Variants in GPC5 observed in about 807,000 individuals in gnomAD.
GPC5 encodes glypican 5.
In GPC5, 47 loss-of-function variants were observed where a neutral mutation model predicts 53.9. The ratio of observed to expected loss-of-function variants is 0.87; its 90% confidence interval spans 0.69 to 1.11. The LOEUF (loss-of-function observed/expected upper bound fraction) is 1.11. Ranked by LOEUF, GPC5 falls within the 50% of genes most tolerant of loss-of-function variation. GPC5 has a pLI of 0.00. For missense variants in GPC5, 748 were observed against 713.1 expected (o/e 1.05, Z -0.56); for synonymous variants, 286 against 263.3 (o/e 1.09, Z -0.84).
At chr13:92,031,077 C>G (rs1190298451) in intron 6 of GPC5, among the ~76,000 whole-genome samples, 1 of 152,074 alleles carries the variant, frequency 6.6e-6, no homozygotes, top group Non-Finnish European at 1.5e-5. Flanking sequence ...ATTCTTTTCT[C>G]TTGGCTTCTA....
chr13:91,888,449 T>A (rs953298736), intron 5 of GPC5, among the ~76,000 whole-genome samples: 1 of 152,204 alleles, frequency 6.6e-6, no homozygotes, highest in African/African-American at 2.4e-5. Flanking sequence ...AGGAATTGCC[T>A]GAGGCCTTTT....
chr13:91,696,480 A>T (rs1311438174), intron 3 of GPC5, among the ~76,000 whole-genome samples: 1 of 152,180 alleles, frequency 6.6e-6, no homozygotes, highest in African/African-American at 2.4e-5. Flanking sequence ...ATTCAAAGTG[A>T]TTTATAAGCT....
chr13:92,671,450 T>A (rs1247133886), intron 7 of GPC5, among the ~76,000 whole-genome samples: 1 of 152,234 alleles, frequency 6.6e-6, no homozygotes, highest in Admixed American at 6.5e-5. Flanking sequence ...TTAATCATTC[T>A]ATTTTTCTAG....
At chr13:92,254,987 A>C (rs552202424) in intron 7 of GPC5, among the ~76,000 whole-genome samples, 5 of 152,296 alleles carry the variant, frequency 3.3e-5, no homozygotes, top group African/African-American at 1.2e-4. Context: ...CCAAAATAAT[A>C]ATACAACAGT....
At chr13:92,291,665 G>T (rs1216767780) in intron 7 of GPC5, among the ~76,000 whole-genome samples, 1 of 152,146 alleles carries the variant, frequency 6.6e-6, no homozygotes, top group Admixed American at 6.5e-5. Context: ...CTTCCACAAT[G>T]TCGAAGCTTT....
intron 7 of GPC5, among the ~76,000 whole-genome samples, chr13:92,865,584 A>G (rs1034580373): frequency 6.6e-6 from 1 of 152,118 alleles, no homozygotes; most frequent in Non-Finnish European, 1.5e-5. Flanking sequence ...ACCATTGCGC[A>G]GCATGGTAAC....
chr13:91,694,020 A>T (rs1207101064), intron 3 of GPC5, 139 bp downstream of exon 3: 1 of 720,602 alleles, frequency 1.4e-6, no homozygotes, highest in African/African-American at 1.8e-5. Flanking sequence ...TTATGATAAA[A>T]TTTTGATTGG....
chr13:92,479,376 G>A lies in GPC5; in HGVS notation c.1561+334387G>A, dbSNP rs185674430. Among the ~76,000 whole-genome samples the A allele has an allele frequency of 2.6e-5, 4 of 152,300 alleles. No homozygotes were observed. The East Asian group carries it at 7.7e-4, about 29-fold the overall frequency. On this transcript the variant is annotated intron_variant, in intron 7 of 7. Transcript: ENST00000377067. ...AAGCGATAAACTTCACTAAACACTT[G>A]TAGGACATTTTGGACAAGAACAGAA...
At chr13:92,720,675 A>G (rs1888484116) in intron 7 of GPC5, among the ~76,000 whole-genome samples, 1 of 152,140 alleles carries the variant, frequency 6.6e-6, no homozygotes. Context: ...TTTTCTTATA[A>G]AGATTTACTT....
chr13:91,531,152 C>A (rs1269470135), intron 2 of GPC5, among the ~76,000 whole-genome samples: 3 of 152,114 alleles, frequency 2.0e-5, no homozygotes, highest in African/African-American at 4.8e-5. Flanking sequence ...TTCACAATAC[C>A]TTTGAGTAAT....
chr13:91,958,800 A>G (rs1164918770), intron 6 of GPC5, among the ~76,000 whole-genome samples: 2 of 152,132 alleles, frequency 1.3e-5, no homozygotes, highest in Non-Finnish European at 2.9e-5. Flanking sequence ...GAAGAAATTA[A>G]GGAGGAAATA....
At chr13:91,671,358 A>G (rs534135033) in intron 2 of GPC5, among the ~76,000 whole-genome samples, 2 of 152,300 alleles carry the variant, frequency 1.3e-5, no homozygotes, top group South Asian at 4.1e-4. Context: ...GAGTTCATTC[A>G]TGATTTGGCT....
intron 7 of GPC5, among the ~76,000 whole-genome samples, chr13:92,432,071 G>C (rs976124821): frequency 1.3e-5 from 2 of 152,136 alleles, no homozygotes; most frequent in Non-Finnish European, 2.9e-5. Flanking sequence ...GTTCAGATAA[G>C]GTTATGAGGC....
intron 2 of GPC5, among the ~76,000 whole-genome samples, chr13:91,555,407 A>G (rs956273130): frequency 6.6e-6 from 1 of 152,046 alleles, no homozygotes; most frequent in East Asian, 1.9e-4. Context: ...CATCTGGTAC[A>G]TGACTAACTG....
intron 2 of GPC5, among the ~76,000 whole-genome samples, chr13:91,540,628 A>G (rs1009808883): frequency 1.3e-5 from 2 of 152,238 alleles, no homozygotes; most frequent in African/African-American, 2.4e-5. Flanking sequence ...TTATACTTCA[A>G]TAAAGCAGTT....
At chr13:92,160,848 A>C (rs2041982490) in intron 7 of GPC5, among the ~76,000 whole-genome samples, 1 of 152,140 alleles carries the variant, frequency 6.6e-6, no homozygotes, top group Admixed American at 6.5e-5. Context: ...CACAAATTCC[A>C]AGTCTCTCTC....
chr13:92,300,021 T>C (rs1270084004), intron 7 of GPC5, among the ~76,000 whole-genome samples: 1 of 152,202 alleles, frequency 6.6e-6, no homozygotes, highest in Non-Finnish European at 1.5e-5. Context: ...TCAAACTCTT[T>C]CTGAAAATAA....
chr13:91,798,580 C>T (rs1030468067), intron 5 of GPC5, among the ~76,000 whole-genome samples: 3 of 152,160 alleles, frequency 2.0e-5, no homozygotes, highest in African/African-American at 7.2e-5. Flanking sequence ...TTGTCTTTAT[C>T]CAGTCTATCA....
intron 2 of GPC5, among the ~76,000 whole-genome samples, chr13:91,569,672 T>C (rs1450933854): frequency 6.6e-6 from 1 of 152,156 alleles, no homozygotes; most frequent in African/African-American, 2.4e-5. Flanking sequence ...ATCCTCATTT[T>C]GGTAGTATTA....
Sources: gnomAD v4.1 joint callset for allele counts (sites outside exome capture counted in the v4.1 genomes callset) on GRCh38, gnomAD v4.1.1 for gene constraint, MANE v1.5 for transcripts, NCBI Gene and HGNC (gene_info 2026-07-23, HGNC 2026-07-21) for gene names.